The following MGAM2 variants were observed in gnomAD, a reference collection of about 807,000 sequenced individuals.
MGAM2 encodes the protein maltase-glucoamylase 2 (putative), also known as probable maltase-glucoamylase 2.
Under a neutral mutation model 96.1 loss-of-function variants are expected in MGAM2, and 98 were observed. That is an observed-to-expected ratio of 1.02 (90% CI 0.87 to 1.21). MGAM2 has a LOEUF of 1.21. Among genes scored for constraint, MGAM2 ranks in the 50% most tolerant of loss-of-function variants. The pLI is 0.00. For synonymous variants in MGAM2, 749 were observed against 414.8 expected (o/e 1.81, Z -9.79); for missense variants, 2,055 against 1,182.4 (o/e 1.74, Z -10.82).
At chr7:142,152,991 C>A (rs1585167627) in intron 15 of MGAM2, among the ~76,000 whole-genome samples, 2 of 104,154 alleles carry the variant, frequency 1.9e-5, no homozygotes, top group Non-Finnish European at 3.7e-5. Context: ...TGCTTTTATT[C>A]CTTTTTTTTT....
intron 12 of MGAM2, among the ~76,000 whole-genome samples, chr7:142,141,438 G>C (rs1358860497): frequency 6.6e-6 from 1 of 151,848 alleles, no homozygotes; most frequent in Non-Finnish European, 1.5e-5. Context: ...CAAAAATATA[G>C]CAAGATGCTC....
chr7:142,208,557 T>A lies in MGAM2; in HGVS notation c.5138-16T>A, dbSNP rs1797481789. On this transcript the variant is annotated splice_polypyrimidine_tract_variant and intron_variant, in intron 45 of 47. Coordinates refer to ENST00000477922, the MANE Select transcript of MGAM2 (RefSeq NM_001293626.2). Reference sequence around the variant, plus strand: ...CAGTTAGTAGTTGCTTATTCTTTTCTTTTCCTTGTTTGCAGATACCTATGA... The same window carrying A: ...CAGTTAGTAGTTGCTTATTCTTTTCATTTCCTTGTTTGCAGATACCTATGA... 1 of 702,482 alleles carries A rather than the reference T, an allele frequency of 1.4e-6. No individual in the cohort carries two copies. Among genetic ancestry groups the A allele is most frequent in the Non-Finnish European group, 2.6e-6 (1 of 384,810 alleles). 43.5% of individuals were successfully genotyped at this position (702,482 alleles called of 1,614,324 possible). A position where few individuals can be genotyped will look rare whatever the true frequency, so the allele number is the denominator to read the frequency against.
In MGAM2 at chr7:142,172,153, G is replaced by A; in HGVS notation, c.3407G>A (p.Gly1136Asp). The A allele has an allele frequency of 1.4e-6, 1 of 729,486 alleles. No individual in the cohort carries two copies. Among genetic ancestry groups the A allele is most frequent in the Non-Finnish European group, 2.5e-6 (1 of 397,424 alleles). The allele number at this position is 729,486 out of a possible 1,614,324, so 45.2% of individuals were successfully genotyped here. The change falls in exon 29 of 48, where the codon GGT (glycine) becomes GAT (aspartate). Residue 1136 changes from glycine to aspartate, a missense_variant. Physicochemically the swap from Gly to Asp is moderately conservative, Grantham distance 94 (BLOSUM62 -1). Transcript: ENST00000477922. ...HPYYMALEED[G>D]SAHGVLLLNS... ...TACTACATGGCACTGGAGGAGGATG[G>A]TAGTGCCCATGGAGTGCTCCTGCTA... is the stretch of plus-strand genomic sequence containing the variant.
intron 12 of MGAM2, among the ~76,000 whole-genome samples, chr7:142,142,830 G>A (rs540384888): frequency 1.3e-5 from 2 of 152,286 alleles, no homozygotes; most frequent in Admixed American, 6.5e-5. Flanking sequence ...TTACAGGCGT[G>A]AGCCACCATG....
intron 17 of MGAM2, among the ~76,000 whole-genome samples, chr7:142,156,876 T>C (rs1795751463): frequency 1.3e-5 from 2 of 152,152 alleles, no homozygotes; most frequent in Admixed American, 6.5e-5. Flanking sequence ...CCAAATTATA[T>C]GGAAAATGAA....
At chr7:142,124,635 A>G (rs568356169) in intron 3 of MGAM2, among the ~76,000 whole-genome samples, 102 of 152,244 alleles carry the variant, frequency 6.7e-4, no homozygotes, top group Admixed American at 1.8e-3. Context: ...TAGAAATTTT[A>G]TTGTGATTAC....
chr7:142,194,379 A>G lies in MGAM2; in HGVS notation c.4347-1775A>G, dbSNP rs139623810. ...TGAAAGGAACCAAGTTTAACTAGTC[A>G]TTAGGTCATCCTAGATTCTCTTTCT... On this transcript the variant is annotated intron_variant, in intron 37 of 47. Coordinates refer to ENST00000477922, the MANE Select transcript of MGAM2 (RefSeq NM_001293626.2). Among the ~76,000 whole-genome samples, 18 of 152,210 alleles carry G rather than the reference A, an allele frequency of 1.2e-4. No homozygotes were observed. In the South Asian group the frequency reaches 2.5e-3, roughly 21 times the overall value.
Position 142,161,131 on chromosome 7 carries a change from GA to G in MGAM2, c.2354del (p.Asn785IlefsTer30), listed in dbSNP as rs1469206110. The G allele has an allele frequency of 2.8e-6, 2 of 702,540 alleles. No individual in the cohort carries two copies. The highest frequency in any genetic ancestry group is 5.2e-6 in the Non-Finnish European group (2 of 384,690). The allele number at this position is 702,540 out of a possible 1,614,324, so 43.5% of individuals were successfully genotyped here. On this transcript the variant is annotated frameshift_variant, in exon 22 of 48. Coordinates refer to ENST00000477922, the MANE Select transcript of MGAM2 (RefSeq NM_001293626.2). LOFTEE classifies it high-confidence loss of function. The part of the protein sequence containing the change: ...PNTTTEASRR[N>X]SLGLIIALDY... Reference sequence around the variant, plus strand: ...GGGAAGTACTCTTTTACAGCCGGAGGAATTCCCTGGGACTCATCATCGCCTT... The same window carrying G: ...GGGAAGTACTCTTTTACAGCCGGAGGATTCCCTGGGACTCATCATCGCCTT...
At chr7:142,174,733 T>TTTTTTTTTTTTGA (rs1554509447) in intron 31 of MGAM2, among the ~76,000 whole-genome samples, 1 of 143,622 alleles carries the variant, frequency 7.0e-6, no homozygotes, top group Non-Finnish European at 1.5e-5. Flanking sequence ...TTTTTTTTTT[T>TTTTTTTTTTTTGA]GAGTTGGAGT....
At chr7:142,182,929 T>A (rs1022212448) in intron 32 of MGAM2, among the ~76,000 whole-genome samples, 2 of 152,188 alleles carry the variant, frequency 1.3e-5, no homozygotes, top group African/African-American at 4.8e-5. Context: ...TTTCCTCTCA[T>A]TTTATTACTT....
At chr7:142,211,103 C>G (rs1040803147) in intron 46 of MGAM2, among the ~76,000 whole-genome samples, 1 of 152,188 alleles carries the variant, frequency 6.6e-6, no homozygotes, top group Admixed American at 6.5e-5. Context: ...AGGGGCCTGA[C>G]TATTAGAAGG....
intron 32 of MGAM2, among the ~76,000 whole-genome samples, chr7:142,176,978 TTTG>T (rs1198732109): frequency 1.3e-5 from 2 of 152,222 alleles, no homozygotes; most frequent in Non-Finnish European, 2.9e-5. Context: ...ATCTTATTTA[TTTG>T]TTTATTTAAA....
Position 142,220,839 on chromosome 7 carries a change from G to T in MGAM2, c.6328G>T (p.Ala2110Ser), listed in dbSNP as rs1563303919. The T allele has an allele frequency of 1.4e-6, 1 of 702,048 alleles. No homozygotes were observed. The allele number at this position is 702,048 out of a possible 1,614,324, so 43.5% of individuals were successfully genotyped here. A position where few individuals can be genotyped will look rare whatever the true frequency, so the allele number is the denominator to read the frequency against. The change falls in exon 48 of 48, where the codon GCT becomes TCT. Residue 2110 changes from alanine (A) to serine (S), a missense_variant. Transcript: ENST00000477922. The stretch of plus-strand genomic sequence containing the variant: ...AGTGACTCCTTCTCTGACAAGTACT[G>T]CTGATGCCACCATTAGTACTACTGT... ...ISVTPSLTST[A>S]DATISTTVLI...
chr7:142,154,689 C>T (rs1412427298), intron 16 of MGAM2, 40 bp from the exon 17 acceptor site: 1 of 699,302 alleles, frequency 1.4e-6, no homozygotes, highest in Admixed American at 2.0e-5. Flanking sequence ...GCTTTCGCCT[C>T]TCATTGACCA....
intron 46 of MGAM2, among the ~76,000 whole-genome samples, chr7:142,217,204 C>A (rs976702055): frequency 2.0e-5 from 3 of 152,256 alleles, no homozygotes; most frequent in East Asian, 1.9e-4. Context: ...ATTATTTTAA[C>A]CCTTGTATTG....
At chr7:142,217,549 A>G (rs1797802605) in intron 46 of MGAM2, among the ~76,000 whole-genome samples, 1 of 152,194 alleles carries the variant, frequency 6.6e-6, no homozygotes, top group South Asian at 2.1e-4. Flanking sequence ...CCAATTTATT[A>G]TAGCAGGTAC....
chr7:142,117,783 C>A (rs7790672), intron 2 of MGAM2, among the ~76,000 whole-genome samples: 72,795 of 151,964 alleles, frequency 0.48, 19,715 homozygotes, highest in African/African-American at 0.74. Flanking sequence ...TCCCCTCTAA[C>A]ACATTTTTCG....
At chr7:142,197,837 A>G in intron 42 of MGAM2, 109 bp downstream of exon 42, 1 of 672,682 alleles carries the variant, frequency 1.5e-6, no homozygotes, top group Non-Finnish European at 2.7e-6. Flanking sequence ...TTTCAGGCGA[A>G]TGCCTTTCTA....
rs139222370 is a variant in MGAM2 at position 142,131,563 on chromosome 7, G to T, written c.356G>T (p.Gly119Val). ...AGGTTGCCATCACCATCTCTGTTTG[G>T]AAATGATGTCGCCACCACCCTTTTC... Reference protein sequence around the residue: ...LKRLPSPSLFGNDVATTLFTA... With the variant: ...LKRLPSPSLFVNDVATTLFTA... Residue 119 changes from glycine (G) to valine (V), a missense_variant, in exon 5 of 48, where the codon GGA becomes GTA. Transcript: ENST00000477922. 1 of 702,990 alleles carries T rather than the reference G, an allele frequency of 1.4e-6. No homozygotes were observed. 43.5% of individuals were successfully genotyped at this position (702,990 alleles called of 1,614,324 possible).
Sources: gnomAD v4.1 joint callset for allele counts (sites outside exome capture counted in the v4.1 genomes callset) on GRCh38, gnomAD v4.1.1 for gene constraint, MANE v1.5 for transcripts, NCBI Gene and HGNC (gene_info 2026-07-23, HGNC 2026-07-21) for gene names.